The following HDAC7 variants were observed in gnomAD, a reference collection of about 807,000 sequenced individuals.
The protein encoded by HDAC7 is histone deacetylase 7.
In HDAC7, 26 loss-of-function variants were observed where a neutral mutation model predicts 115.5. That is an observed-to-expected ratio of 0.23 (90% CI 0.16 to 0.31). HDAC7 has a LOEUF of 0.31. Among genes scored for constraint, HDAC7 ranks in the 10% least tolerant of loss-of-function variants. The pLI is 1.00. For missense variants in HDAC7, 1,068 were observed against 1,329.0 expected, an observed-to-expected ratio of 0.80 and a Z score of 3.05; for synonymous variants, 564 against 550.9, an observed-to-expected ratio of 1.02 and a Z score of -0.33.
intron 12 of HDAC7, among the ~76,000 whole-genome samples, chr12:47,794,222 A>T (rs1943682890): frequency 6.6e-6 from 1 of 152,188 alleles, no homozygotes; most frequent in South Asian, 2.1e-4. Flanking sequence ...CCCTGCCCTC[A>T]CACTCACAGC....
intron 15 of HDAC7, 57 bp from the exon 16 acceptor site, chr12:47,791,365 A>T: frequency 6.7e-7 from 1 of 1,486,920 alleles, no homozygotes; most frequent in Non-Finnish European, 9.0e-7. Flanking sequence ...TTGGCCCAAC[A>T]GGGAGCAGGG....
At position 47,785,421 on chromosome 12, in the gene HDAC7, G is replaced by A. The variant is rs772605589; in HGVS notation, c.2757C>T (p.Ala919=). The A allele has an allele frequency of 2.5e-6, 4 of 1,612,988 alleles. No homozygotes were observed. The Admixed American group carries it at 6.7e-5, about 27-fold the overall frequency. ...GGATCACGGCCTCCAGAGAGCGGAT[G>A]GCATTGAGGTTGGGTTTCTGTTTCC... ...EGWKQKPNLN[A]IRSLEAVIRV... is the part of the protein sequence containing the mutation. The change falls in exon 24 of 26, where the codon GCC becomes GCT. Residue 919 remains alanine (A), a synonymous_variant. Coordinates refer to ENST00000080059, the MANE Select transcript of HDAC7 (RefSeq NM_015401.5).
chr12:47,819,634 G>C (rs1408748938), intron 1 of HDAC7, 133 bp downstream of exon 1: 3 of 157,612 alleles, frequency 1.9e-5, no homozygotes, highest in African/African-American at 4.8e-5. Flanking sequence ...AGCCGGGCTG[G>C]GCCCGCGGGG....
intron 2 of HDAC7, among the ~76,000 whole-genome samples, chr12:47,800,807 C>G (rs375425900): frequency 6.6e-6 from 1 of 152,246 alleles, no homozygotes; most frequent in East Asian, 1.9e-4. Flanking sequence ...TCCCCTCACA[C>G]TCTGCATGGC....
At chr12:47,789,754 C>G in intron 17 of HDAC7, 59 bp downstream of exon 17, 1 of 1,436,410 alleles carries the variant, frequency 7.0e-7, no homozygotes, top group South Asian at 1.1e-5. Flanking sequence ...CTGGATTCCC[C>G]ACTACCCCAC....
chr12:47,786,980 A>G (rs956171911), intron 21 of HDAC7, among the ~76,000 whole-genome samples: 2 of 152,174 alleles, frequency 1.3e-5, no homozygotes, highest in Non-Finnish European at 2.9e-5. Flanking sequence ...AGTGTGTGTG[A>G]CCATGTGTGT....
chr12:47,795,894 C>A lies in HDAC7; in HGVS notation c.906+12G>T. On this transcript the variant is annotated intron_variant, in intron 9 of 25. Transcript: ENST00000080059. The surrounding 1 kb of genome is among the most constrained non-coding windows in gnomAD (Gnocchi z 4.3). ...GGGGCTTGGAGTGGGGGTGGGCACC[C>A]CAGCCACTCACCCTGGCAGGGGCGG... 1 of 1,545,052 alleles carries A rather than the reference C, an allele frequency of 6.5e-7. No individual in the cohort carries two copies. Among genetic ancestry groups the A allele is most frequent in the Non-Finnish European group, 8.7e-7 (1 of 1,144,566 alleles).
rs1172161568 is a variant in HDAC7, at chr12:47,798,725, G to A, written c.258+60C>T. On this transcript the variant is annotated intron_variant, in intron 3 of 25. Coordinates refer to ENST00000080059, the MANE Select transcript of HDAC7 (RefSeq NM_015401.5). The surrounding 1 kb of genome is among the most constrained non-coding windows in gnomAD (Gnocchi z 4.3). ...GAGACTGGTGTCTAGGGATGCTGAA[G>A]GCGGGGAGGCTGGGGACCAAGCTCA... 1 of 1,561,914 alleles carries A rather than the reference G, an allele frequency of 6.4e-7. No individual in the cohort carries two copies. Among genetic ancestry groups the A allele is most frequent in the Non-Finnish European group, 8.7e-7 (1 of 1,151,600 alleles).
chr12:47,789,412 T>C (rs1565797109), intron 18 of HDAC7, 64 bp from the exon 19 acceptor site: 1 of 1,579,336 alleles, frequency 6.3e-7, no homozygotes. Context: ...CCCAGGCCCC[T>C]GGGTTGGCCC....
At chr12:47,784,704 G>A (rs759071483) in intron 24 of HDAC7, 26 of 1,534,924 alleles carry the variant, frequency 1.7e-5, no homozygotes, top group African/African-American at 1.5e-4. Flanking sequence ...CCATCACCAC[G>A]GCCGCTCTGC....
intron 1 of HDAC7, among the ~76,000 whole-genome samples, chr12:47,811,372 T>C (rs1944657145): frequency 6.6e-6 from 1 of 152,202 alleles, no homozygotes; most frequent in South Asian, 2.1e-4. Flanking sequence ...GGCATGGTCC[T>C]GGGTACTGAT....
chr12:47,801,995 C>CTGTGTTTCCTTTTCCTGT (rs1670536051), intron 2 of HDAC7, among the ~76,000 whole-genome samples: 1 of 152,130 alleles, frequency 6.6e-6, no homozygotes, highest in Non-Finnish European at 1.5e-5. Flanking sequence ...GACGGGCATC[C>CTGTGTTTCCTTTTCCTGT]TGTGTTTCCT....
At chr12:47,812,723 T>C (rs1312184684) in intron 1 of HDAC7, among the ~76,000 whole-genome samples, 1 of 152,186 alleles carries the variant, frequency 6.6e-6, no homozygotes, top group Non-Finnish European at 1.5e-5. Context: ...CTTTAAGCAC[T>C]AAGTGGGGCA....
In HDAC7 at chr12:47,814,313, T is replaced by G. The variant is rs555254530; in HGVS notation, c.19+5454A>C. On this transcript the variant is annotated intron_variant, in intron 1 of 25. Transcript: ENST00000080059. The stretch of plus-strand genomic sequence containing the variant: ...TCTGTCCTCTCTTCCAGGGCCCAGG[T>G]CCCCTCTAGGCCTTGACCCCCTCTC... 2.0e-4 allele frequency among the ~76,000 whole-genome samples: 31 copies of G among 152,222 alleles called. No individual in the cohort carries two copies. In the South Asian group the frequency reaches 5.6e-3, roughly 27 times the overall value.
At chr12:47,787,067 C>G (rs1943209854) in intron 21 of HDAC7, among the ~76,000 whole-genome samples, 1 of 152,164 alleles carries the variant, frequency 6.6e-6, no homozygotes, top group African/African-American at 2.4e-5. Context: ...ATCTCACAGC[C>G]TTGCGGAGAT....
At position 47,798,647 on chromosome 12, in the gene HDAC7, G is replaced by A. The variant is rs1944004048; in HGVS notation, c.264C>T (p.Ser88=). The A allele has an allele frequency of 6.2e-7, 1 of 1,613,016 alleles. No individual in the cohort carries two copies. Among genetic ancestry groups the A allele is most frequent in the African/African-American group, 1.3e-5 (1 of 75,048 alleles). The change falls in exon 4 of 26, where the codon TCC becomes TCT. Residue 88 remains serine (S), a synonymous_variant. Transcript: ENST00000080059. This position sits in a 1 kb window ranked among gnomAD's most constrained non-coding sequence, Gnocchi z 4.3. ...GCAACTCGGGCATCGGCGTGTCCAT[G>A]GAGAGCTGTGGGCAGGGCCGGCAGC... ...QQRSVEPMRL[S]MDTPMPELQV...
rs564160067 is a variant in HDAC7, at chr12:47,804,162, T to C, written c.20-1888A>G. Among the ~76,000 whole-genome samples the C allele has an allele frequency of 8.5e-5, 13 of 152,322 alleles. No homozygotes were observed. The East Asian group carries it at 2.5e-3, about 29-fold the overall frequency. On this transcript the variant is annotated intron_variant, in intron 1 of 25. Coordinates refer to ENST00000080059, the MANE Select transcript of HDAC7 (RefSeq NM_015401.5). ...GGCTACCAGGCCCCAAAGGGATGTT[T>C]TGTGGTGATAATCCATAATATAAGG...
At chr12:47,792,429 GA>G in intron 13 of HDAC7, 1 of 344,944 alleles carries the variant, frequency 2.9e-6, no homozygotes, top group Non-Finnish European at 5.7e-6. Context: ...CAGCAGGAGG[GA>G]AAAGAATTCC....
At chr12:47,784,963 TTAAAG>T (rs1943085571) in intron 24 of HDAC7, 1 of 608,598 alleles carries the variant, frequency 1.6e-6, no homozygotes, top group Non-Finnish European at 2.9e-6. Flanking sequence ...AGTTGAAAAT[TTAAAG>T]TACTTTACAA....
Sources: allele counts gnomAD v4.1 joint callset (sites outside exome capture counted in the v4.1 genomes callset), GRCh38; gene constraint gnomAD v4.1.1; non-coding constraint Gnocchi (gnomAD v3.1); transcripts MANE v1.5; gene names NCBI Gene and HGNC (gene_info 2026-07-23, HGNC 2026-07-21).